CSMD2: variants seen among roughly 807,000 people sequenced by gnomAD.
CSMD2 encodes CUB and sushi domain-containing protein 2.
In CSMD2, 130 loss-of-function variants were observed where a neutral mutation model predicts 398.5. The observed-to-expected ratio is 0.33, with a 90% CI of 0.28 to 0.38. The LOEUF (loss-of-function observed/expected upper bound fraction) is 0.38, where lower values mean the gene tolerates loss of function less well. Ranked by LOEUF, CSMD2 falls within the 10% of genes least tolerant of loss-of-function variation. The pLI, the probability that CSMD2 is intolerant of heterozygous loss-of-function variation, is 1.00. For synonymous variants in CSMD2, 1,828 were observed against 1,908.5 expected, an observed-to-expected ratio of 0.96 and a Z score of 1.10; for missense variants, 3,829 against 4,764.9, an observed-to-expected ratio of 0.80 and a Z score of 5.78.
chr1:33,586,333 T>C (rs893576625), intron 46 of CSMD2, among the ~76,000 whole-genome samples, 171 bp downstream of exon 46: 2 of 152,198 alleles, frequency 1.3e-5, no homozygotes, highest in Admixed American at 1.3e-4. Context: ...GAGTGATCAC[T>C]CACTCATTCC....
Position 33,811,017 on chromosome 1 carries a change from G to T in CSMD2, c.1325-153C>A, listed in dbSNP as rs539361265. On this transcript the variant is annotated intron_variant, in intron 9 of 70. Coordinates refer to ENST00000373381, the MANE Select transcript of CSMD2 (RefSeq NM_001281956.2). ...CTGGGTCCTTCCTCTACAGTTCTTG[G>T]GAGGCTTGAAGGGAAGCCGCAGTGC... Among the ~76,000 whole-genome samples, 23 of 152,158 alleles carry T rather than the reference G, an allele frequency of 1.5e-4. No individual in the cohort carries two copies. The South Asian group carries it at 4.8e-3, about 32-fold the overall frequency.
chr1:33,932,614 C>A (rs1558124127), intron 4 of CSMD2, among the ~76,000 whole-genome samples: 2 of 152,262 alleles, frequency 1.3e-5, no homozygotes, highest in East Asian at 3.9e-4. Flanking sequence ...TGCCTGGACA[C>A]AAAGACACTG....
chr1:33,804,724 C>A (rs1297946008), intron 10 of CSMD2: 3 of 717,230 alleles, frequency 4.2e-6, no homozygotes, highest in Non-Finnish European at 7.8e-6. Context: ...ATAGGCAGTC[C>A]TTGGATACAC....
chr1:33,694,955 A>G (rs1645370205), intron 24 of CSMD2, among the ~76,000 whole-genome samples: 1 of 152,138 alleles, frequency 6.6e-6, no homozygotes, highest in African/African-American at 2.4e-5. Context: ...TGTCTAGTAG[A>G]GAAGACAGCC....
rs1655913098 is a variant in CSMD2 at position 33,537,490 on chromosome 1, G to A, written c.9751C>T (p.Arg3251Cys). 3.1e-6 allele frequency: 5 copies of A among 1,614,088 alleles called. No homozygotes were observed. The highest frequency in any genetic ancestry group is 1.7e-5 in the Admixed American group (1 of 60,010). The change falls in exon 61 of 71, where the codon CGC (arginine) becomes TGC (cysteine). Residue 3251 changes from arginine (R) to cysteine (C), a missense_variant. Physicochemically the swap from Arg to Cys is radical, Grantham distance 180. This residue lies in a region of CSMD2 where 917 missense variants were observed against 1,199.5 expected (regional missense o/e 0.76). Coordinates refer to ENST00000373381, the MANE Select transcript of CSMD2 (RefSeq NM_001281956.2). The surrounding 1 kb of genome is among the most constrained non-coding windows in gnomAD (Gnocchi z 4.6). ...GTCCCATCTGACTGGCAAAACCTGCGTGGAGAGCCCACCAGCACCAGAGGG... is the reference window on the plus strand; with the variant it reads ...GTCCCATCTGACTGGCAAAACCTGCATGGAGAGCCCACCAGCACCAGAGGG... ...HPPLVLVGSP[R>C]RFCQSDGTWS...
intron 25 of CSMD2, among the ~76,000 whole-genome samples, chr1:33,688,377 T>C (rs1199542343): frequency 6.6e-6 from 1 of 152,180 alleles, no homozygotes; most frequent in African/African-American, 2.4e-5. Flanking sequence ...TTTATGTACA[T>C]ATTGGCACAC....
chr1:34,070,867 TC>T (rs11302209), intron 2 of CSMD2, among the ~76,000 whole-genome samples: 13,868 of 152,274 alleles, frequency 0.091, 1,141 homozygotes, highest in South Asian at 0.29. Flanking sequence ...TCCCCGTTCC[TC>T]TTTACTTTGT....
intron 44 of CSMD2, 74 bp from the exon 45 acceptor site, chr1:33,587,242 T>A: frequency 9.0e-7 from 1 of 1,106,628 alleles, no homozygotes. Flanking sequence ...TTTGTTCAAT[T>A]CTTCACTTTC....
intron 3 of CSMD2, among the ~76,000 whole-genome samples, chr1:33,973,195 G>A (rs1645834971): frequency 6.6e-6 from 1 of 152,186 alleles, no homozygotes; most frequent in Non-Finnish European, 1.5e-5. Context: ...GCCTTAGGAT[G>A]TGCTGGGCCT....
intron 2 of CSMD2, among the ~76,000 whole-genome samples, chr1:34,045,783 G>A (rs970654041): frequency 6.6e-6 from 1 of 152,214 alleles, no homozygotes; most frequent in Admixed American, 6.5e-5. Context: ...TCAAAACTCA[G>A]GGGTGTTTCC....
intron 22 of CSMD2, among the ~76,000 whole-genome samples, chr1:33,705,622 T>C (rs1224682469): frequency 1.3e-5 from 2 of 152,114 alleles, no homozygotes; most frequent in African/African-American, 4.8e-5. Context: ...GGAATCATAA[T>C]TTTTTAATGG....
At chr1:33,755,017 GA>G (rs2149283281) in intron 13 of CSMD2, among the ~76,000 whole-genome samples, 1 of 152,190 alleles carries the variant, frequency 6.6e-6, no homozygotes, top group South Asian at 2.1e-4. Flanking sequence ...AACACAGATG[GA>G]TTGCTAGGCA....
chr1:33,700,492 C>G, intron 23 of CSMD2, 25 bp downstream of exon 23: 1 of 1,612,154 alleles, frequency 6.2e-7, no homozygotes, highest in South Asian at 1.1e-5. Flanking sequence ...ACTTCCTTGT[C>G]CACACAGATG....
intron 3 of CSMD2, among the ~76,000 whole-genome samples, chr1:33,993,909 A>AC (rs949434453): frequency 3.4e-4 from 51 of 152,068 alleles, no homozygotes; most frequent in African/African-American, 1.2e-3. Context: ...CTCAAAGGCT[A>AC]CCCCTTCCAA....
intron 44 of CSMD2, chr1:33,591,791 ATT>A (rs769180667): frequency 9.9e-5 from 14 of 141,580 alleles, no homozygotes; most frequent in Admixed American, 2.1e-4. Flanking sequence ...CACCCAGCTA[ATT>A]TTTTTTTTTT....
At chr1:33,962,357 G>A (rs1645393007) in intron 3 of CSMD2, among the ~76,000 whole-genome samples, 2 of 152,192 alleles carry the variant, frequency 1.3e-5, no homozygotes, top group South Asian at 2.1e-4. Flanking sequence ...GGGGTTTAGG[G>A]GGCCACAGAA....
rs1653638088 is a variant in CSMD2, at chr1:33,514,932, C to T, written c.*1692G>A. 6.6e-6 allele frequency: 1 copy of T among 152,172 alleles called. No individual in the cohort carries two copies. Among genetic ancestry groups the T allele is most frequent in the Admixed American group, 6.5e-5 (1 of 15,280 alleles). The allele number at this position is 152,172 out of a possible 1,614,324, so 9.4% of individuals were successfully genotyped here. A position where few individuals can be genotyped will look rare whatever the true frequency, so the allele number is the denominator to read the frequency against. ...TTCCAATCTAGAATTTGCTTAAGAACCAGGTGTCGCTGTCCCTCCGCTCCT... is the reference window on the plus strand; with the variant it reads ...TTCCAATCTAGAATTTGCTTAAGAATCAGGTGTCGCTGTCCCTCCGCTCCT... On this transcript the variant is annotated 3_prime_UTR_variant, in exon 71 of 71. Transcript: ENST00000373381.
At chr1:33,670,030 C>T (rs1307659654) in intron 25 of CSMD2, among the ~76,000 whole-genome samples, 1 of 152,180 alleles carries the variant, frequency 6.6e-6, no homozygotes, top group Non-Finnish European at 1.5e-5. Context: ...GAACAAAACA[C>T]ATTTCTGTTA....
intron 2 of CSMD2, among the ~76,000 whole-genome samples, chr1:34,073,517 G>T (rs1355993465): frequency 6.6e-6 from 1 of 152,186 alleles, no homozygotes; most frequent in Admixed American, 6.5e-5. Flanking sequence ...AGGGAGTGAG[G>T]CTGGGACAAG....
Sources: gnomAD v4.1 joint callset for allele counts (sites outside exome capture counted in the v4.1 genomes callset) on GRCh38, gnomAD v4.1.1 for gene constraint, gnomAD v4.1.1 regional missense constraint, Gnocchi (gnomAD v3.1) non-coding constraint, MANE v1.5 for transcripts, NCBI Gene and HGNC (gene_info 2026-07-23, HGNC 2026-07-21) for gene names.